AOAH: variants seen among roughly 807,000 people sequenced by gnomAD.
AOAH encodes the protein acyloxyacyl hydrolase.
Under a neutral mutation model 92.2 loss-of-function variants are expected in AOAH, and 64 were observed. That is an observed-to-expected ratio of 0.69 (90% confidence interval 0.57 to 0.86). The LOEUF is 0.86. AOAH is among the 40% of genes least tolerant of loss of function. AOAH has a pLI of 0.00. For missense variants in AOAH, 656 were observed against 694.6 expected (o/e 0.94, Z 0.62); for synonymous variants, 263 against 254.5 (o/e 1.03, Z -0.32).
intron 16 of AOAH, among the ~76,000 whole-genome samples, chr7:36,535,901 G>C (rs1156293657): frequency 6.6e-6 from 1 of 152,230 alleles, no homozygotes; most frequent in Non-Finnish European, 1.5e-5. Flanking sequence ...CACATCAGTA[G>C]AATCCCAATG....
chr7:36,520,330 C>T (rs751236549), intron 20 of AOAH, among the ~76,000 whole-genome samples: 26 of 152,218 alleles, frequency 1.7e-4, no homozygotes, highest in Non-Finnish European at 2.8e-4. Flanking sequence ...GCCATCTTTT[C>T]ATATACCCAT....
At chr7:36,676,145 G>A (rs1796244149) in intron 2 of AOAH, among the ~76,000 whole-genome samples, 1 of 152,154 alleles carries the variant, frequency 6.6e-6, no homozygotes, top group African/African-American at 2.4e-5. Flanking sequence ...GAAATAAAAA[G>A]CATTCAGATT....
At chr7:36,573,081 C>T (rs1788244756) in intron 13 of AOAH, among the ~76,000 whole-genome samples, 1 of 152,176 alleles carries the variant, frequency 6.6e-6, no homozygotes, top group Non-Finnish European at 1.5e-5. Context: ...AATTCCAGGA[C>T]CCAAATTCAA....
intron 2 of AOAH, among the ~76,000 whole-genome samples, chr7:36,678,041 C>T (rs1371587588): frequency 1.3e-5 from 2 of 152,152 alleles, no homozygotes; most frequent in East Asian, 1.9e-4. Context: ...CTGATGAACA[C>T]GCAACTCTAT....
intron 12 of AOAH, among the ~76,000 whole-genome samples, chr7:36,585,813 G>C (rs1789283054): frequency 1.3e-5 from 2 of 152,296 alleles, no homozygotes; most frequent in South Asian, 4.1e-4. Flanking sequence ...TGATCACAGG[G>C]CTTTCTTCTA....
intron 4 of AOAH, among the ~76,000 whole-genome samples, chr7:36,655,358 C>G (rs563420758): frequency 6.6e-6 from 1 of 151,142 alleles, no homozygotes; most frequent in South Asian, 2.1e-4. Flanking sequence ...TTAGGAATTA[C>G]TTTACAGAGA....
intron 13 of AOAH, among the ~76,000 whole-genome samples, chr7:36,557,389 C>A (rs1786825801): frequency 6.6e-6 from 1 of 152,090 alleles, no homozygotes; most frequent in African/African-American, 2.4e-5. Context: ...TGTGGGTAAC[C>A]CGACCTTTCT....
intron 9 of AOAH, among the ~76,000 whole-genome samples, chr7:36,620,262 C>CTCTTT (rs1792182070): frequency 6.6e-6 from 1 of 152,120 alleles, no homozygotes; most frequent in East Asian, 1.9e-4. Flanking sequence ...TTTGGCTTTC[C>CTCTTT]TCTTTTCTTC....
At chr7:36,537,519 T>TTTG (rs1554281686) in intron 16 of AOAH, among the ~76,000 whole-genome samples, 5 of 147,520 alleles carry the variant, frequency 3.4e-5, no homozygotes, top group Non-Finnish European at 7.4e-5. Flanking sequence ...TTTTTTTTTT[T>TTTG]TTTGTTTGTT....
At chr7:36,570,086 C>A (rs1788035330) in intron 13 of AOAH, among the ~76,000 whole-genome samples, 1 of 152,086 alleles carries the variant, frequency 6.6e-6, no homozygotes, top group Admixed American at 6.5e-5. Flanking sequence ...TCTCTAGGCA[C>A]AACGTTACAC....
chr7:36,561,575 A>G (rs755174123), intron 13 of AOAH, among the ~76,000 whole-genome samples: 1 of 149,410 alleles, frequency 6.7e-6, no homozygotes, highest in Non-Finnish European at 1.5e-5. Context: ...TGGCACACGC[A>G]TCGGCTGGGC....
intron 12 of AOAH, among the ~76,000 whole-genome samples, chr7:36,581,710 A>G (rs921687253): frequency 6.6e-6 from 1 of 152,212 alleles, no homozygotes; most frequent in Non-Finnish European, 1.5e-5. Context: ...TAGTGTAGGT[A>G]TTAATATTAT....
intron 13 of AOAH, among the ~76,000 whole-genome samples, chr7:36,557,508 T>C (rs1279972933): frequency 6.6e-6 from 1 of 152,160 alleles, no homozygotes; most frequent in African/African-American, 2.4e-5. Flanking sequence ...GTTCTCTGTA[T>C]TTCCTGAATC....
intron 19 of AOAH, among the ~76,000 whole-genome samples, chr7:36,523,730 A>C (rs1344585161): frequency 7.1e-6 from 1 of 140,964 alleles, no homozygotes; most frequent in Non-Finnish European, 1.5e-5. Flanking sequence ...GACACTCTGA[A>C]GCTCCTGTGG....
chr7:36,669,813 G>T (rs1795797815), intron 3 of AOAH, among the ~76,000 whole-genome samples: 1 of 152,194 alleles, frequency 6.6e-6, no homozygotes, highest in African/African-American at 2.4e-5. Context: ...CCTGATCTCA[G>T]AGAGCTCCTG....
intron 19 of AOAH, 59 bp from the exon 20 acceptor site, chr7:36,522,174 C>G (rs1784139639): frequency 6.5e-7 from 1 of 1,539,192 alleles, no homozygotes; most frequent in Admixed American, 1.7e-5. Flanking sequence ...GGCCAATATC[C>G]AAGGACAAGG....
At chr7:36,657,134 A>G (rs901237109) in intron 4 of AOAH, among the ~76,000 whole-genome samples, 1 of 152,222 alleles carries the variant, frequency 6.6e-6, no homozygotes, top group Non-Finnish European at 1.5e-5. Flanking sequence ...AAAAGTTAAA[A>G]GGAAACACAC....
Position 36,683,023 on chromosome 7 carries a change from G to C in AOAH, c.223+3676C>G, listed in dbSNP as rs921161419. Among the ~76,000 whole-genome samples, 107 of 152,028 alleles carry C rather than the reference G, an allele frequency of 7.0e-4. 1 individual carries two copies. Among genetic ancestry groups the C allele is most frequent in the Admixed American group, 7.0e-3 (106 of 15,244 alleles). On this transcript the variant is annotated intron_variant, in intron 2 of 20. Transcript: ENST00000617537. ...TGAGAACATCAATACACAACAGCTG[G>C]CACCAAATTATCTTCTAGTTAGATG...
intron 20 of AOAH, 88 bp downstream of exon 20, chr7:36,521,951 T>G (rs922811733): frequency 1.8e-6 from 2 of 1,141,214 alleles, no homozygotes; most frequent in African/African-American, 3.0e-5. Flanking sequence ...CAAAACAGGA[T>G]AAAAATAAAC....
Sources: allele counts gnomAD v4.1 joint callset (sites outside exome capture counted in the v4.1 genomes callset), GRCh38; gene constraint gnomAD v4.1.1; transcripts MANE v1.5; gene names NCBI Gene and HGNC (gene_info 2026-07-23, HGNC 2026-07-21).